FOXP2: variants seen among roughly 807,000 people sequenced by gnomAD.
FOXP2 encodes forkhead box P2.
In FOXP2, 12 loss-of-function variants were observed where a neutral mutation model predicts 115.8. That is an observed-to-expected ratio of 0.10 (90% CI 0.07 to 0.17). The LOEUF (loss-of-function observed/expected upper bound fraction) is 0.17. Ranked by LOEUF, FOXP2 falls within the 10% of genes least tolerant of loss-of-function variation. FOXP2 has a pLI of 1.00. For synonymous variants in FOXP2, 328 were observed against 297.7 expected (o/e 1.10, Z -1.05); for missense variants, 629 against 843.5 (o/e 0.75, Z 3.15).
intron 2 of FOXP2, among the ~76,000 whole-genome samples, chr7:114,328,297 C>T (rs796572550): frequency 5.8e-4 from 84 of 144,376 alleles, no homozygotes; most frequent in African/African-American, 2.0e-3. Flanking sequence ...AGTCCAGTGG[C>T]GCGATCTCGG....
At chr7:114,231,600 T>C (rs575632295) in intron 1 of FOXP2, among the ~76,000 whole-genome samples, 19 of 152,310 alleles carry the variant, frequency 1.2e-4, no homozygotes, top group African/African-American at 4.6e-4. Flanking sequence ...TCCACAGTGA[T>C]GCCAAAACTA....
At chr7:114,648,712 C>T (rs953060390) in intron 8 of FOXP2, among the ~76,000 whole-genome samples, 1 of 152,076 alleles carries the variant, frequency 6.6e-6, no homozygotes, top group African/African-American at 2.4e-5. Context: ...CTAGTTGATA[C>T]TACCTACCTA....
intron 2 of FOXP2, among the ~76,000 whole-genome samples, chr7:114,472,145 T>C (rs1796077542): frequency 6.6e-6 from 1 of 152,050 alleles, no homozygotes; most frequent in African/African-American, 2.4e-5. Context: ...GGCTTACCTG[T>C]AATCATGGTT....
At chr7:114,309,023 A>C (rs1415663881) in intron 2 of FOXP2, among the ~76,000 whole-genome samples, 1 of 152,208 alleles carries the variant, frequency 6.6e-6, no homozygotes, top group East Asian at 1.9e-4. Flanking sequence ...CAGAGGTACT[A>C]TCTAATCTTT....
At chr7:114,172,341 G>GGAGTTATGGGCGA (rs1793168997) in intron 1 of FOXP2, among the ~76,000 whole-genome samples, 3 of 152,172 alleles carry the variant, frequency 2.0e-5, no homozygotes, top group Non-Finnish European at 4.4e-5. Context: ...GTGGTTGCCA[G>GGAGTTATGGGCGA]GAGTTATGGG....
intron 1 of FOXP2, among the ~76,000 whole-genome samples, chr7:114,216,890 C>T (rs1222258027): frequency 1.3e-5 from 2 of 152,076 alleles, no homozygotes; most frequent in Non-Finnish European, 2.9e-5. Context: ...ATTATTCTGG[C>T]CAGAATGAAA....
intron 2 of FOXP2, among the ~76,000 whole-genome samples, chr7:114,316,962 C>T (rs1797293603): frequency 6.6e-6 from 1 of 152,078 alleles, no homozygotes; most frequent in African/African-American, 2.4e-5. Flanking sequence ...TGGGTCCATA[C>T]AAAAACTTAC....
At chr7:114,212,574 G>A (rs1794386995) in intron 1 of FOXP2, among the ~76,000 whole-genome samples, 2 of 151,792 alleles carry the variant, frequency 1.3e-5, no homozygotes, top group African/African-American at 4.8e-5. Context: ...AAAAAACAAG[G>A]AGTTTGACAT....
Position 114,132,029 on chromosome 7 carries a change from T to C in FOXP2, c.-246-30915T>C, listed in dbSNP as rs149116921. Among the ~76,000 whole-genome samples, 918 of 152,282 alleles carry C rather than the reference T, an allele frequency of 6.0e-3. 11 individuals carry two copies. The highest frequency in any genetic ancestry group is 0.021 in the African/African-American group (888 of 41,554). On this transcript the variant is annotated intron_variant, in intron 1 of 19. Transcript: ENST00000635638. The stretch of plus-strand genomic sequence containing the variant: ...ATGTAGTTGTTAGTCTTTATTGTTA[T>C]GTCTTCTTGGAAAAGCAAAAAAACG...
intron 2 of FOXP2, among the ~76,000 whole-genome samples, chr7:114,439,958 A>G (rs1040046449): frequency 6.6e-6 from 1 of 152,214 alleles, no homozygotes; most frequent in African/African-American, 2.4e-5. Context: ...GGTTGCTTAC[A>G]TAATAGATCC....
At chr7:114,271,983 ATATAATATATAATATGTAATATTATAAT>A (rs1378165370) in intron 1 of FOXP2, among the ~76,000 whole-genome samples, 1 of 134,214 alleles carries the variant, frequency 7.5e-6, no homozygotes, top group African/African-American at 2.8e-5. Context: ...ATATAATTAT[ATATAATATATAATATGTAATATTATAAT>A]TATAATATTA....
intron 2 of FOXP2, among the ~76,000 whole-genome samples, chr7:114,501,481 T>A (rs1329695832): frequency 6.6e-6 from 1 of 152,120 alleles, no homozygotes; most frequent in Non-Finnish European, 1.5e-5. Context: ...GATTGATAGA[T>A]GTTGCATGTC....
intron 2 of FOXP2, among the ~76,000 whole-genome samples, chr7:114,323,160 A>T (rs1797470037): frequency 6.6e-6 from 1 of 152,160 alleles, no homozygotes; most frequent in African/African-American, 2.4e-5. Context: ...CCAGTGAATG[A>T]ATTTAAACAC....
chr7:114,580,798 A>G (rs1446412983), intron 3 of FOXP2, among the ~76,000 whole-genome samples: 2 of 152,138 alleles, frequency 1.3e-5, no homozygotes, highest in Non-Finnish European at 2.9e-5. Context: ...GTTGAAAGTG[A>G]CAATCGGTTT....
chr7:114,618,569 C>G (rs1383159669), intron 3 of FOXP2, among the ~76,000 whole-genome samples: 1 of 152,130 alleles, frequency 6.6e-6, no homozygotes, highest in African/African-American at 2.4e-5. Flanking sequence ...ATACAACAGA[C>G]AAAACCAAAA....
At chr7:114,426,282 G>A (rs947454817) in intron 1 of FOXP2, among the ~76,000 whole-genome samples, 2 of 151,638 alleles carry the variant, frequency 1.3e-5, no homozygotes, top group Non-Finnish European at 3.0e-5. Context: ...GCTGTTAAAT[G>A]TAACCGCACA....
chr7:114,561,113 ACCCG>A (rs1419951747), intron 3 of FOXP2: 1 of 152,176 alleles, frequency 6.6e-6, no homozygotes, highest in Non-Finnish European at 1.5e-5. Context: ...AACTTGTATC[ACCCG>A]CCCTTGGGCC....
intron 1 of FOXP2, among the ~76,000 whole-genome samples, chr7:114,278,025 TA>T (rs1198719493): frequency 0.5 from 37,719 of 76,150 alleles, 7,304 homozygotes; most frequent in Middle Eastern, 0.65. Context: ...AGACCTTGTC[TA>T]AAAAAAAAAA....
chr7:114,692,821 GTT>G lies in FOXP2; in HGVS notation c.*2898_*2899del, dbSNP rs1418968057. 1 of 449,834 alleles carries G rather than the reference GTT, an allele frequency of 2.2e-6. No individual in the cohort carries two copies. 27.9% of individuals were successfully genotyped at this position (449,834 alleles called of 1,614,324 possible). ...GTTTATGTATTGGTGGAATATACCT[GTT>G]TTATTTATCTTTTTTGAGGTAAACT... On this transcript the variant is annotated 3_prime_UTR_variant, in exon 17 of 17. Coordinates refer to ENST00000350908, the MANE Select transcript of FOXP2 (RefSeq NM_014491.4).
Sources: gnomAD v4.1 joint callset for allele counts (sites outside exome capture counted in the v4.1 genomes callset) on GRCh38, gnomAD v4.1.1 for gene constraint, MANE v1.5 for transcripts, NCBI Gene and HGNC (gene_info 2026-07-23, HGNC 2026-07-21) for gene names.